Variants in RBM33 observed in about 807,000 individuals in gnomAD.
RBM33 encodes RNA binding motif protein 33, also known as RNA-binding protein 33.
RBM33 carries 28 observed loss-of-function variants against 132.6 expected under a neutral mutation model. That is an observed-to-expected ratio of 0.21 (90% CI 0.16 to 0.29). The LOEUF (loss-of-function observed/expected upper bound fraction) is 0.29. Among genes scored for constraint, RBM33 ranks in the 10% least tolerant of loss-of-function variants. The probability of loss-of-function intolerance (pLI) is 1.00; values close to 1 mark genes in which losing one functional copy is unlikely to be tolerated. For missense variants in RBM33, 1,291 were observed against 1,518.5 expected (o/e 0.85, Z 2.49); for synonymous variants, 634 against 593.0 (o/e 1.07, Z -1.01).
At chr7:155,673,461 T>C (rs1190252836) in intron 3 of RBM33, among the ~76,000 whole-genome samples, 2 of 149,008 alleles carry the variant, frequency 1.3e-5, no homozygotes, top group Middle Eastern at 3.5e-3. Flanking sequence ...TATACCCACA[T>C]ATATATATAC....
chr7:155,695,646 A>C (rs930123895), intron 5 of RBM33, among the ~76,000 whole-genome samples: 3 of 152,114 alleles, frequency 2.0e-5, no homozygotes, highest in African/African-American at 7.2e-5. Flanking sequence ...TTTTTGGTAG[A>C]GACAGGGTTT....
intron 1 of RBM33, among the ~76,000 whole-genome samples, chr7:155,646,649 C>CT (rs1798204214): frequency 6.6e-6 from 1 of 152,198 alleles, no homozygotes; most frequent in South Asian, 2.1e-4. Context: ...GGAGGCTTTC[C>CT]TTGAGAATTC....
chr7:155,779,630 C>T lies in RBM33; in HGVS notation c.*4589C>T, dbSNP rs1802745387. Reference sequence around the variant, plus strand: ...GGTGCATAAGCCCGTGGTTTGTGTACTGGAACTAAAGCGGAACTCACTGAT... The same window carrying T: ...GGTGCATAAGCCCGTGGTTTGTGTATTGGAACTAAAGCGGAACTCACTGAT... On this transcript the variant is annotated 3_prime_UTR_variant, in exon 18 of 18. Transcript: ENST00000401878. The T allele has an allele frequency of 6.6e-6, 1 of 152,142 alleles. No individual in the cohort carries two copies. Among genetic ancestry groups the T allele is most frequent in the Non-Finnish European group, 1.5e-5 (1 of 68,034 alleles). The allele number at this position is 152,142 out of a possible 1,614,324, so 9.4% of individuals were successfully genotyped here.
intron 9 of RBM33, among the ~76,000 whole-genome samples, chr7:155,727,416 T>A (rs1230469237): frequency 1.3e-5 from 2 of 152,232 alleles, no homozygotes; most frequent in Non-Finnish European, 2.9e-5. Flanking sequence ...AGTGAGAATT[T>A]GTGCTAGGTA....
intron 1 of RBM33, among the ~76,000 whole-genome samples, chr7:155,647,356 A>G (rs1563125347): frequency 6.6e-6 from 1 of 152,222 alleles, no homozygotes; most frequent in Non-Finnish European, 1.5e-5. Context: ...TTTATTGAAT[A>G]AAATAGGTCT....
intron 2 of RBM33, among the ~76,000 whole-genome samples, chr7:155,671,004 GACTT>G (rs1422711866): frequency 2.0e-5 from 3 of 150,618 alleles, no homozygotes; most frequent in African/African-American, 7.5e-5. Flanking sequence ...CTGTTTTTAT[GACTT>G]TGTCAGTTTG....
At chr7:155,757,636 A>T (rs1801895366) in intron 14 of RBM33, among the ~76,000 whole-genome samples, 1 of 152,178 alleles carries the variant, frequency 6.6e-6, no homozygotes, top group Non-Finnish European at 1.5e-5. Context: ...CACAATGAGG[A>T]TACTACTACT....
intron 8 of RBM33, among the ~76,000 whole-genome samples, chr7:155,712,216 G>A (rs1355836674): frequency 6.6e-6 from 1 of 152,216 alleles, no homozygotes; most frequent in Non-Finnish European, 1.5e-5. Context: ...GTCAGCTGGT[G>A]GAGAGGGGAC....
At chr7:155,654,950 A>G (rs1171487596) in intron 1 of RBM33, among the ~76,000 whole-genome samples, 4 of 152,214 alleles carry the variant, frequency 2.6e-5, no homozygotes, top group Non-Finnish European at 5.9e-5. Flanking sequence ...GAAATTTGGG[A>G]TGATTGTAAT....
chr7:155,713,419 G>A (rs2116981215), intron 8 of RBM33, among the ~76,000 whole-genome samples: 1 of 152,240 alleles, frequency 6.6e-6, no homozygotes, highest in East Asian at 1.9e-4. Context: ...ACAGGAGGGG[G>A]AGGGGCAGGA....
intron 2 of RBM33, among the ~76,000 whole-genome samples, chr7:155,667,726 G>A (rs1024825821): frequency 3.9e-5 from 6 of 152,100 alleles, no homozygotes; most frequent in African/African-American, 1.4e-4. Flanking sequence ...TGTGCTTTTT[G>A]TCCTTAAGAA....
chr7:155,765,682 A>G (rs925867206), intron 15 of RBM33, among the ~76,000 whole-genome samples: 1 of 152,226 alleles, frequency 6.6e-6, no homozygotes. Context: ...TACATTGGGC[A>G]CATATGTTCT....
intron 14 of RBM33, among the ~76,000 whole-genome samples, chr7:155,763,536 C>T (rs1327558789): frequency 2.0e-5 from 3 of 152,136 alleles, no homozygotes; most frequent in Admixed American, 6.5e-5. Flanking sequence ...TCACGGAATT[C>T]GACAACATTT....
intron 8 of RBM33, among the ~76,000 whole-genome samples, chr7:155,711,695 A>G (rs544230722): frequency 2.6e-5 from 4 of 152,272 alleles, no homozygotes; most frequent in South Asian, 4.1e-4. Context: ...GATTTTGCCA[A>G]CTGTGCAATG....
At chr7:155,765,344 C>CT (rs1411269635) in intron 15 of RBM33, among the ~76,000 whole-genome samples, 1 of 152,220 alleles carries the variant, frequency 6.6e-6, no homozygotes, top group Non-Finnish European at 1.5e-5. Context: ...TAACTTGCAA[C>CT]TTCTCATGTG....
chr7:155,646,367 T>C (rs1436834727), intron 1 of RBM33, among the ~76,000 whole-genome samples: 4 of 152,204 alleles, frequency 2.6e-5, no homozygotes, highest in Non-Finnish European at 5.9e-5. Context: ...GTCAGAAGTT[T>C]TGAGAATTGC....
chr7:155,749,861 G>T (rs1801640265), intron 14 of RBM33, among the ~76,000 whole-genome samples: 2 of 152,228 alleles, frequency 1.3e-5, no homozygotes, highest in Non-Finnish European at 2.9e-5. Flanking sequence ...TGTGCTGTGT[G>T]AGTCTATCCT....
Position 155,738,639 on chromosome 7 carries a change from A to G in RBM33, c.1737+236A>G, listed in dbSNP as rs1438307816. 3 of 547,142 alleles carry G rather than the reference A, an allele frequency of 5.5e-6. No homozygotes were observed. The East Asian group carries it at 9.4e-5, about 17-fold the overall frequency. The allele number at this position is 547,142 out of a possible 1,614,324, so 33.9% of individuals were successfully genotyped here. On this transcript the variant is annotated intron_variant, in intron 11 of 17. Coordinates refer to ENST00000401878, the MANE Select transcript of RBM33 (RefSeq NM_053043.3). ...TGGGAATTGAAAAATGCTACTTATT[A>G]TAATTGTTTAAAGGGTATACTACTA... is the stretch of plus-strand genomic sequence containing the variant.
At chr7:155,768,733 C>T (rs1424509007) in intron 16 of RBM33, among the ~76,000 whole-genome samples, 1 of 152,268 alleles carries the variant, frequency 6.6e-6, no homozygotes, top group Non-Finnish European at 1.5e-5. Flanking sequence ...TCTCCTGCCT[C>T]AGCCTCGCGA....
Sources: allele counts gnomAD v4.1 joint callset (sites outside exome capture counted in the v4.1 genomes callset), GRCh38; gene constraint gnomAD v4.1.1; transcripts MANE v1.5; gene names NCBI Gene and HGNC (gene_info 2026-07-23, HGNC 2026-07-21).